Variants in FFAR1 observed in about 807,000 individuals in gnomAD.
FFAR1 encodes free fatty acid receptor 1.
For synonymous variants in FFAR1, 216 were observed against 201.5 expected (o/e 1.07, Z -0.61); for missense variants, 424 against 396.2 (o/e 1.07, Z -0.60).
At chr19:35,351,601 C>T in exon 1 of FFAR1, 15 of 1,541,382 alleles carry the variant, frequency 9.7e-6, no homozygotes, top group Non-Finnish European at 1.3e-5. Context: ...GCCGCCTTTG[C>T]GCTGGGCTTC....
exon 1 of FFAR1, chr19:35,352,548 C>A: frequency 7.2e-7 from 1 of 1,396,338 alleles, no homozygotes; most frequent in Non-Finnish European, 9.6e-7. Context: ...TGCAGGGCAG[C>A]CTGGCCCGGA....
At chr19:35,352,679 C>T (rs1464544201) in exon 1 of FFAR1, 10 of 590,320 alleles carry the variant, frequency 1.7e-5, no homozygotes, top group Admixed American at 3.0e-5. Flanking sequence ...CTGCACGTGT[C>T]GAGGAAGTTT....
Sources: allele counts gnomAD v4.1 joint callset, GRCh38; gene constraint gnomAD v4.1.1; transcripts MANE v1.5; gene names NCBI Gene and HGNC (gene_info 2026-07-23, HGNC 2026-07-21).